The following IGFL2 variants were observed in gnomAD, a reference collection of about 807,000 sequenced individuals.
The protein encoded by IGFL2 is insulin growth factor-like family member 2.
Under a neutral mutation model 13.9 loss-of-function variants are expected in IGFL2, and 7 were observed. The observed-to-expected ratio is 0.51, with a 90% CI of 0.29 to 0.95. The LOEUF is 0.95. Ranked by LOEUF, IGFL2 falls within the 40% of genes least tolerant of loss-of-function variation. IGFL2 has a pLI of 0.08. For missense variants in IGFL2, 138 were observed against 147.8 expected, an observed-to-expected ratio of 0.93 and a Z score of 0.34; for synonymous variants, 55 against 55.8, an observed-to-expected ratio of 0.99 and a Z score of 0.07.
the IGFL2 span, among the ~76,000 whole-genome samples, chr19:46,184,172 C>T: frequency 1.3e-5 from 2 of 152,162 alleles, no homozygotes; most frequent in Admixed American, 1.3e-4. Flanking sequence ...GCTTGTGGGT[C>T]ATAATCAACC....
At chr19:46,103,889 C>T in the IGFL2 span, among the ~76,000 whole-genome samples, 1 of 152,156 alleles carries the variant, frequency 6.6e-6, no homozygotes, top group South Asian at 2.1e-4. Flanking sequence ...GAGGAGAGAT[C>T]AGGCTGTCTG....
At chr19:46,186,135 C>A in the IGFL2 span, among the ~76,000 whole-genome samples, 4 of 152,174 alleles carry the variant, frequency 2.6e-5, no homozygotes, top group African/African-American at 9.7e-5. Context: ...AGGAGGCTCG[C>A]CCCAAATTTC....
At chr19:46,184,139 G>T in the IGFL2 span, among the ~76,000 whole-genome samples, 1 of 152,096 alleles carries the variant, frequency 6.6e-6, no homozygotes, top group Admixed American at 6.5e-5. Flanking sequence ...GGTTTTCATT[G>T]CATTCAACAC....
the IGFL2 span, among the ~76,000 whole-genome samples, chr19:46,175,598 C>G: frequency 2.0e-5 from 3 of 152,090 alleles, no homozygotes; most frequent in African/African-American, 7.2e-5. Flanking sequence ...AGTGCAATGG[C>G]ATGATCTCTA....
the IGFL2 span, among the ~76,000 whole-genome samples, chr19:46,125,320 A>G: frequency 4.4e-3 from 669 of 152,318 alleles, 7 homozygotes; most frequent in African/African-American, 0.015. Context: ...TTACATGGTC[A>G]GGGAAAGTAC....
At chr19:46,200,329 G>A in the IGFL2 span, among the ~76,000 whole-genome samples, 3 of 151,656 alleles carry the variant, frequency 2.0e-5, no homozygotes, top group Admixed American at 6.6e-5. Flanking sequence ...CATTATGCCC[G>A]GCTAATTCTA....
At chr19:46,107,627 A>G in the IGFL2 span, among the ~76,000 whole-genome samples, 2 of 152,222 alleles carry the variant, frequency 1.3e-5, no homozygotes, top group Non-Finnish European at 2.9e-5. Context: ...GAGGCAAGTA[A>G]TTGCAACTCA....
the IGFL2 span, among the ~76,000 whole-genome samples, chr19:46,082,512 G>A: frequency 1.7e-3 from 255 of 152,284 alleles, 3 homozygotes; most frequent in East Asian, 0.038. Flanking sequence ...GGAGAAATGC[G>A]GAGCTGATAC....
the IGFL2 span, among the ~76,000 whole-genome samples, chr19:46,102,950 G>T: frequency 6.6e-6 from 1 of 152,162 alleles, no homozygotes; most frequent in Non-Finnish European, 1.5e-5. Context: ...GGGTGATATT[G>T]TGGGTTTATT....
the IGFL2 span, among the ~76,000 whole-genome samples, chr19:46,090,659 C>G: frequency 6.6e-6 from 1 of 152,210 alleles, no homozygotes; most frequent in East Asian, 1.9e-4. Flanking sequence ...GCTTCTGAGG[C>G]TGGCACAGAG....
chr19:46,211,298 C>A, the IGFL2 span, among the ~76,000 whole-genome samples: 11 of 152,330 alleles, frequency 7.2e-5, no homozygotes, highest in Admixed American at 7.2e-4. Context: ...GAAATCCCAA[C>A]ATAGTGTTTG....
At chr19:46,114,688 G>T in the IGFL2 span, among the ~76,000 whole-genome samples, 3 of 152,100 alleles carry the variant, frequency 2.0e-5, no homozygotes, top group Non-Finnish European at 4.4e-5. Context: ...TCTCTCTCCT[G>T]CCACCATGTA....
chr19:46,181,507 C>G, the IGFL2 span, among the ~76,000 whole-genome samples: 1 of 152,210 alleles, frequency 6.6e-6, no homozygotes, highest in Admixed American at 6.5e-5. Flanking sequence ...CTCTGTAGAT[C>G]ACATCACTAT....
chr19:46,091,122 T>G, the IGFL2 span, among the ~76,000 whole-genome samples: 4 of 152,240 alleles, frequency 2.6e-5, no homozygotes, highest in Non-Finnish European at 5.9e-5. Flanking sequence ...GAAGGTATTT[T>G]TGTGCATGAA....
chr19:46,197,145 A>G, the IGFL2 span: 1 of 228,172 alleles, frequency 4.4e-6, no homozygotes, highest in Admixed American at 4.4e-5. Context: ...GATGGGACCC[A>G]GAGGGGTGGA....
chr19:46,169,881 C>G, the IGFL2 span, among the ~76,000 whole-genome samples: 1 of 150,510 alleles, frequency 6.6e-6, no homozygotes, highest in African/African-American at 2.4e-5. Context: ...GAGATAACAC[C>G]CTAGAATTGC....
chr19:46,210,301 G>T, the IGFL2 span: 1 of 152,204 alleles, frequency 6.6e-6, no homozygotes, highest in Non-Finnish European at 1.5e-5. Context: ...AATGAAAAAT[G>T]AAGAGGGATG....
the IGFL2 span, among the ~76,000 whole-genome samples, chr19:46,115,177 T>G: frequency 6.6e-6 from 1 of 152,316 alleles, no homozygotes; most frequent in Admixed American, 6.5e-5. Flanking sequence ...TATCCCCACT[T>G]GTGTGTTTCA....
the IGFL2 span, among the ~76,000 whole-genome samples, chr19:46,090,700 G>A: frequency 0.013 from 2,052 of 152,350 alleles, 32 homozygotes; most frequent in Middle Eastern, 0.027. Flanking sequence ...GTGGCTGCTG[G>A]TGCCTGCCTA....
Sources: gnomAD v4.1 joint callset for allele counts (sites outside exome capture counted in the v4.1 genomes callset) on GRCh38, gnomAD v4.1.1 for gene constraint, MANE v1.5 for transcripts, NCBI Gene and HGNC (gene_info 2026-07-23, HGNC 2026-07-21) for gene names.